SEL1L2: variants seen among roughly 807,000 people sequenced by gnomAD.
The protein encoded by SEL1L2 is SEL1L2 adaptor subunit of SYVN1 ubiquitin ligase.
Under a neutral mutation model 98.8 loss-of-function variants are expected in SEL1L2, and 89 were observed. The observed-to-expected ratio is 0.90, with a 90% CI of 0.76 to 1.07. The LOEUF is 1.07. SEL1L2 is among the 50% of genes least tolerant of loss of function. The pLI is 0.00. For synonymous variants in SEL1L2, 262 were observed against 278.5 expected, an observed-to-expected ratio of 0.94 and a Z score of 0.59; for missense variants, 788 against 812.0, an observed-to-expected ratio of 0.97 and a Z score of 0.36.
chr20:13,849,573 T>C lies in SEL1L2; in HGVS notation c.1979A>G (p.Asp660Gly). The C allele has an allele frequency of 6.2e-7, 1 of 1,614,012 alleles. No homozygotes were observed. The highest frequency in any genetic ancestry group is 2.2e-5 in the East Asian group (1 of 44,870). Residue 660 changes from aspartate (D) to glycine (G), a missense_variant, in exon 20 of 20, where the codon GAC becomes GGC. Physicochemically the swap from Asp to Gly is moderately conservative, Grantham distance 94. Transcript: ENST00000284951. The stretch of plus-strand genomic sequence containing the variant: ...GTCCCAGTGTGGTCCAATGGTGTTG[T>C]CCAGTTTCAGCCAGTTCCATCTCGT... ...FTTRWNWLKL[D>G]NTIGPHWDLF...
At chr20:13,922,295 G>A (rs1346317673) in intron 3 of SEL1L2, among the ~76,000 whole-genome samples, 1 of 152,154 alleles carries the variant, frequency 6.6e-6, no homozygotes, top group African/African-American at 2.4e-5. Flanking sequence ...CAATGATCTG[G>A]AGATTGCGAG....
intron 1 of SEL1L2, among the ~76,000 whole-genome samples, chr20:13,984,547 A>C (rs1398267140): frequency 6.6e-6 from 1 of 152,120 alleles, no homozygotes; most frequent in Non-Finnish European, 1.5e-5. Context: ...GCTATAGTTT[A>C]AGTCTTCATT....
At chr20:13,871,961 G>C (rs1261353085) in intron 12 of SEL1L2, among the ~76,000 whole-genome samples, 1 of 152,258 alleles carries the variant, frequency 6.6e-6, no homozygotes, top group East Asian at 1.9e-4. Context: ...GTAACCCTCA[G>C]TAACACAGGA....
intron 2 of SEL1L2, among the ~76,000 whole-genome samples, chr20:13,932,198 A>C (rs1357471090): frequency 2.6e-5 from 4 of 152,152 alleles, no homozygotes; most frequent in Non-Finnish European, 4.4e-5. Context: ...CTTTAAAAAA[A>C]CAATATTTCC....
At chr20:13,918,916 T>C in intron 4 of SEL1L2, 105 bp downstream of exon 4, 2 of 720,228 alleles carry the variant, frequency 2.8e-6, no homozygotes, top group African/African-American at 1.8e-5. Context: ...GCAAATAGGC[T>C]TACTCATTAT....
intron 5 of SEL1L2, among the ~76,000 whole-genome samples, chr20:13,901,811 G>C (rs1387887341): frequency 6.6e-6 from 1 of 151,744 alleles, no homozygotes; most frequent in Non-Finnish European, 1.5e-5. Context: ...ATAGGCGCCC[G>C]CCACCACGCC....
chr20:13,887,454 G>C (rs1286497459), intron 8 of SEL1L2, among the ~76,000 whole-genome samples: 1 of 152,110 alleles, frequency 6.6e-6, no homozygotes, highest in South Asian at 2.1e-4. Context: ...TATATTTAGG[G>C]AAACTGCTTA....
chr20:13,886,339 G>A lies in SEL1L2; in HGVS notation c.849C>T (p.Asp283=), dbSNP rs1020968591. ...CCAAAAATTTATAGTATTGGTATAT[G>A]TCCCAATCCAAAATCTCACTGTTAG... ...LSSNSEILDW[D]IYQYYKFLAE... is the part of the protein sequence containing the mutation. The change falls in exon 9 of 20, where the codon GAC becomes GAT. Residue 283 remains aspartate (D), a synonymous_variant. Coordinates refer to ENST00000284951, the MANE Select transcript of SEL1L2 (RefSeq NM_025229.2). The A allele has an allele frequency of 1.2e-6, 2 of 1,612,204 alleles. No homozygotes were observed. Among genetic ancestry groups the A allele is most frequent in the Non-Finnish European group, 1.7e-6 (2 of 1,178,346 alleles).
In SEL1L2 at chr20:13,891,732, G is replaced by GTCC. The variant is rs1467477506; in HGVS notation, c.550-3223_550-3221dup. On this transcript the variant is annotated intron_variant, in intron 5 of 19. Coordinates refer to ENST00000284951, the MANE Select transcript of SEL1L2 (RefSeq NM_025229.2). ...CAAAAACACTATATTTGGTGAAAGT[G>GTCC]TCCTTCAAAAATGAAAGAAGAATAA... Among the ~76,000 whole-genome samples the GTCC allele has an allele frequency of 2.7e-5, 4 of 150,078 alleles. No individual in the cohort carries two copies. In the East Asian group the frequency reaches 5.9e-4, roughly 22 times the overall value.
Position 13,859,337 on chromosome 20 carries a change from T to C in SEL1L2, c.1743A>G (p.Ala581=). Residue 581 remains alanine, a synonymous_variant, in exon 18 of 20, where the codon GCA becomes GCG. Transcript: ENST00000284951. ...YQTAATHYSI[A]ANKYHNAQAM... is the part of the protein sequence containing the mutation. ...CTTGCGCGTTGTGGTATTTGTTGGCTGCAATGCTGTAGTGTGTGGCTGCTG... is the reference window on the plus strand; with the variant it reads ...CTTGCGCGTTGTGGTATTTGTTGGCCGCAATGCTGTAGTGTGTGGCTGCTG... 6.2e-7 allele frequency: 1 copy of C among 1,614,172 alleles called. No individual in the cohort carries two copies. Among genetic ancestry groups the C allele is most frequent in the Non-Finnish European group, 8.5e-7 (1 of 1,179,996 alleles).
At position 13,939,040 on chromosome 20, in the gene SEL1L2, G is replaced by GTTTTTTTTTTTTTTT. The variant is rs386365633; in HGVS notation, c.115-7284_115-7270dup. On this transcript the variant is annotated intron_variant, in intron 2 of 19. Coordinates refer to ENST00000284951, the MANE Select transcript of SEL1L2 (RefSeq NM_025229.2). ...TCTTTTTGGTTTGTTTGCTTGTTTT[G>GTTTTTTTTTTTTTTT]TTTTTTTTTTTTTTTTTTTCTGAGA... Among the ~76,000 whole-genome samples, 52 of 114,072 alleles carry GTTTTTTTTTTTTTTT rather than the reference G, an allele frequency of 4.6e-4. 2 individuals carry two copies. The highest frequency in any genetic ancestry group is 1.7e-3 in the African/African-American group (48 of 28,880). The allele number at this position is 114,072 out of a possible 152,430, so 74.8% of individuals were successfully genotyped here. A position where few individuals can be genotyped will look rare whatever the true frequency, so the allele number is the denominator to read the frequency against.
chr20:13,949,392 C>T (rs909988230), intron 2 of SEL1L2, among the ~76,000 whole-genome samples: 22 of 152,264 alleles, frequency 1.4e-4, no homozygotes, highest in African/African-American at 4.6e-4. Context: ...AGGCCGGGCG[C>T]GGTGGCTCAC....
chr20:13,979,445 T>G (rs925970456), intron 1 of SEL1L2, among the ~76,000 whole-genome samples: 4 of 152,236 alleles, frequency 2.6e-5, no homozygotes, highest in African/African-American at 9.6e-5. Flanking sequence ...AATGAGGTGC[T>G]ATGCTAATAA....
intron 10 of SEL1L2, 77 bp downstream of exon 10, chr20:13,885,270 C>G: frequency 1.1e-6 from 1 of 933,422 alleles, no homozygotes; most frequent in Admixed American, 1.7e-5. Flanking sequence ...CTCCCTCCCC[C>G]TGCTTTCACT....
chr20:13,881,174 C>T (rs2046684655), intron 10 of SEL1L2, among the ~76,000 whole-genome samples: 4 of 152,084 alleles, frequency 2.6e-5, no homozygotes, highest in African/African-American at 7.2e-5. Flanking sequence ...CCACCATGCC[C>T]AGCTAATTTT....
chr20:13,919,178 T>TA (rs2048543146), intron 3 of SEL1L2, 55 bp from the exon 4 acceptor site: 2 of 1,084,496 alleles, frequency 1.8e-6, no homozygotes, highest in Admixed American at 2.2e-5. Context: ...TTCCATATTT[T>TA]AAAAATAATG....
At chr20:13,894,824 C>T (rs2047352337) in intron 5 of SEL1L2, among the ~76,000 whole-genome samples, 1 of 152,176 alleles carries the variant, frequency 6.6e-6, no homozygotes, top group Non-Finnish European at 1.5e-5. Context: ...CGATTTGTAA[C>T]TAGTTAGTAG....
At chr20:13,973,143 A>C (rs1213446483) in intron 1 of SEL1L2, among the ~76,000 whole-genome samples, 2 of 152,200 alleles carry the variant, frequency 1.3e-5, no homozygotes, top group Non-Finnish European at 2.9e-5. Flanking sequence ...CTCTTCAGCT[A>C]TGACAATTTT....
At chr20:13,913,105 G>T (rs777159088) in intron 5 of SEL1L2, among the ~76,000 whole-genome samples, 13 of 152,258 alleles carry the variant, frequency 8.5e-5, no homozygotes, top group South Asian at 2.1e-4. Context: ...TGTGATCTCT[G>T]GGGGGAAAGC....
Sources: gnomAD v4.1 joint callset for allele counts (sites outside exome capture counted in the v4.1 genomes callset) on GRCh38, gnomAD v4.1.1 for gene constraint, MANE v1.5 for transcripts, NCBI Gene and HGNC (gene_info 2026-07-23, HGNC 2026-07-21) for gene names.